ARHGAP29: variants seen among roughly 807,000 people sequenced by gnomAD.
ARHGAP29 encodes rho GTPase-activating protein 29.
In ARHGAP29, 43 loss-of-function variants were observed where a neutral mutation model predicts 122.6. The observed-to-expected ratio is 0.35, with a 90% CI of 0.27 to 0.45. ARHGAP29 has a LOEUF of 0.45. Among genes scored for constraint, ARHGAP29 ranks in the 20% least tolerant of loss-of-function variants. The pLI, the probability that ARHGAP29 is intolerant of heterozygous loss-of-function variation, is 1.00. For missense variants in ARHGAP29, 1,303 were observed against 1,477.2 expected (o/e 0.88, Z 1.93); for synonymous variants, 506 against 497.1 (o/e 1.02, Z -0.24).
rs145622174 is a variant in ARHGAP29, at chr1:94,169,877, C to T, written c.*3992G>A. Among the ~76,000 whole-genome samples the T allele has an allele frequency of 3.9e-5, 6 of 152,162 alleles. No individual in the cohort carries two copies. Among genetic ancestry groups the T allele is most frequent in the Admixed American group, 2.0e-4 (3 of 15,286 alleles). ...TTGAAGAGACTCCCAAAAACCAAAT[C>T]GGGGAAAATTTCAGCATGAAAATAA... On this transcript the variant is annotated 3_prime_UTR_variant, in exon 23 of 23. Coordinates refer to ENST00000260526, the MANE Select transcript of ARHGAP29 (RefSeq NM_004815.4).
rs773521335 is a variant in ARHGAP29 at position 94,179,926 on chromosome 1, T to C, written c.2279A>G (p.Tyr760Cys). Residue 760 changes from tyrosine (Y) to cysteine (C), a missense_variant, in exon 20 of 23, where the codon TAC (tyrosine) becomes TGC (cysteine). Transcript: ENST00000260526. ...TTTTGCAAGGTCTATAAATTCCTTG[T>C]ACAATCGAAATAAAATAAATGGTTC... ...LPEPFILFRL[Y>C]KEFIDLAKEI... is the part of the protein sequence containing the mutation. The C allele has an allele frequency of 6.8e-6, 11 of 1,607,878 alleles. No homozygotes were observed. In the South Asian group the frequency reaches 7.8e-5, roughly 11 times the overall value.
Position 94,173,621 on chromosome 1 carries a change from A to G in ARHGAP29, c.*248T>C, listed in dbSNP as rs1470418899. ...ACTGAACTTTAAAAAATACGAATCC[A>G]CCTATCTTATTCACAACTTTAAAAA... On this transcript the variant is annotated 3_prime_UTR_variant, in exon 23 of 23. Transcript: ENST00000260526. 1 of 405,244 alleles carries G rather than the reference A, an allele frequency of 2.5e-6. No homozygotes were observed. The highest frequency in any genetic ancestry group is 4.4e-6 in the Non-Finnish European group (1 of 229,436). The allele number at this position is 405,244 out of a possible 1,614,324, so 25.1% of individuals were successfully genotyped here.
At position 94,220,245 on chromosome 1, in the gene ARHGAP29, A is replaced by G. The variant is rs772580145; in HGVS notation, c.340+13T>C. The stretch of plus-strand genomic sequence containing the variant: ...TTGCCCACAGCAACCCACTTTTACT[A>G]TATCTTCCTTACCTTTCACTTTTGC... On this transcript the variant is annotated intron_variant, in intron 3 of 22. Transcript: ENST00000260526. 3.4e-5 allele frequency: 55 copies of G among 1,612,708 alleles called. No individual in the cohort carries two copies. Among genetic ancestry groups the G allele is most frequent in the Middle Eastern group, 1.6e-4 (1 of 6,076 alleles).
At chr1:94,265,929 G>C (rs930964792) in intron 1 of ARHGAP29, among the ~76,000 whole-genome samples, 3 of 152,182 alleles carry the variant, frequency 2.0e-5, no homozygotes, top group Admixed American at 6.5e-5. Context: ...AAATCCATGA[G>C]TGTCTGGTGC....
the ARHGAP29 span, among the ~76,000 whole-genome samples, chr1:94,282,256 T>C: frequency 4.1e-5 from 1 of 24,160 alleles, no homozygotes; most frequent in East Asian, 1.3e-3. Context: ...GTGATAGTGC[T>C]TTATTTATTT....
intron 1 of ARHGAP29, among the ~76,000 whole-genome samples, chr1:94,258,667 A>C (rs1289874856): frequency 1.3e-5 from 2 of 152,218 alleles, no homozygotes; most frequent in East Asian, 3.9e-4. Context: ...CCAGTTGTTC[A>C]AGGCCTTAGT....
Position 94,202,726 on chromosome 1 carries a change from C to T in ARHGAP29, c.961G>A (p.Ala321Thr), listed in dbSNP as rs779124989. Reference protein sequence around the residue: ...WKQEQNKMLEAENALKKAKLL... With the variant: ...WKQEQNKMLETENALKKAKLL... ...TTTGCCTTTTTGAGAGCATTCTCTG[C>T]TTCAAGCTACACCGAAAAGAGTATT... The change falls in exon 11 of 23, where the codon GCA (alanine) becomes ACA (threonine). Residue 321 changes from alanine to threonine, a missense_variant. Ala to Thr is a moderately conservative substitution (Grantham distance 58). This residue lies in a region of ARHGAP29 where 592 missense variants were observed against 648.2 expected (regional missense o/e 0.91). Transcript: ENST00000260526. The T allele has an allele frequency of 6.2e-7, 1 of 1,613,012 alleles. No homozygotes were observed. The highest frequency in any genetic ancestry group is 2.2e-5 in the East Asian group (1 of 44,878).
At position 94,171,106 on chromosome 1, in the gene ARHGAP29, T is replaced by A. The variant is rs369972660; in HGVS notation, c.*2763A>T. ...GTTATTTAACAATATACAATGGTTG[T>A]CATTTAGAGAGATGTTTCCAGTTGT... On this transcript the variant is annotated 3_prime_UTR_variant, in exon 23 of 23. Coordinates refer to ENST00000260526, the MANE Select transcript of ARHGAP29 (RefSeq NM_004815.4). 1.3e-4 allele frequency among the ~76,000 whole-genome samples: 20 copies of A among 152,184 alleles called. No individual in the cohort carries two copies. Among genetic ancestry groups the A allele is most frequent in the East Asian group, 5.8e-4 (3 of 5,200 alleles).
chr1:94,286,528 C>T, the ARHGAP29 span, among the ~76,000 whole-genome samples: 4 of 152,076 alleles, frequency 2.6e-5, no homozygotes, highest in East Asian at 3.9e-4. Flanking sequence ...ATTAGCCAGG[C>T]GTGGTGATGC....
At position 94,202,360 on chromosome 1, in the gene ARHGAP29, T is replaced by C. The variant is rs528210518; in HGVS notation, c.1143+184A>G. 6.0e-6 allele frequency: 4 copies of C among 672,234 alleles called. No individual in the cohort carries two copies. In the South Asian group the frequency reaches 7.9e-5, roughly 13 times the overall value. 41.6% of individuals were successfully genotyped at this position (672,234 alleles called of 1,614,324 possible). A position where few individuals can be genotyped will look rare whatever the true frequency, so the allele number is the denominator to read the frequency against. ...AAAATGTGGATCTTCACCAACAGCA[T>C]CAGCACGACCTGAGAGCCTATTAAA... On this transcript the variant is annotated intron_variant, in intron 11 of 22. Transcript: ENST00000260526.
the ARHGAP29 span, among the ~76,000 whole-genome samples, chr1:94,312,419 A>G: frequency 1.5e-5 from 2 of 133,988 alleles, no homozygotes; most frequent in Non-Finnish European, 1.6e-5. Context: ...ATGAACAGAG[A>G]TGTCCCCCCT....
intron 3 of ARHGAP29, among the ~76,000 whole-genome samples, chr1:94,218,087 A>G (rs1652065353): frequency 6.6e-6 from 1 of 152,188 alleles, no homozygotes; most frequent in Non-Finnish European, 1.5e-5. Context: ...CCATTAATTA[A>G]GTTGATTTGA....
Position 94,173,015 on chromosome 1 carries a change from G to GAAATGC in ARHGAP29, c.*848_*853dup, listed in dbSNP as rs1224642034. 1 of 152,514 alleles carries GAAATGC rather than the reference G, an allele frequency of 6.6e-6. No homozygotes were observed. The highest frequency in any genetic ancestry group is 2.4e-5 in the African/African-American group (1 of 41,420). 9.4% of individuals were successfully genotyped at this position (152,514 alleles called of 1,614,324 possible). On this transcript the variant is annotated 3_prime_UTR_variant, in exon 23 of 23. Coordinates refer to ENST00000260526, the MANE Select transcript of ARHGAP29 (RefSeq NM_004815.4). ...GGTTTTAACCCAGACAAATCAAGAG[G>GAAATGC]AAATGCACTGAATTCAAAAACTTCT...
the ARHGAP29 span, among the ~76,000 whole-genome samples, chr1:94,311,369 C>G: frequency 6.6e-6 from 1 of 152,084 alleles, no homozygotes; most frequent in African/African-American, 2.4e-5. Context: ...TTCTCTCCCT[C>G]TCTCTCTCTT....
At chr1:94,206,988 GAGA>G (rs1184479182) in intron 5 of ARHGAP29, among the ~76,000 whole-genome samples, 1 of 149,204 alleles carries the variant, frequency 6.7e-6, no homozygotes, top group African/African-American at 2.5e-5. Flanking sequence ...TAGAGAGAGA[GAGA>G]AGGAGCAACT....
At chr1:94,239,345 T>C (rs1301991800), upstream of ARHGAP29, among the ~76,000 whole-genome samples, 1 of 152,180 alleles carries the variant, frequency 6.6e-6, no homozygotes, top group African/African-American at 2.4e-5. Flanking sequence ...TTTGCACTTA[T>C]ACACCATTTC....
chr1:94,238,414 A>G (rs72727441), upstream of ARHGAP29, among the ~76,000 whole-genome samples: 2,533 of 149,992 alleles, frequency 0.017, 41 homozygotes, highest in Non-Finnish European at 0.019. Context: ...TAATGAGAAG[A>G]AAAAAAAAAG....
At chr1:94,281,655 C>G in the ARHGAP29 span, among the ~76,000 whole-genome samples, 1 of 152,142 alleles carries the variant, frequency 6.6e-6, no homozygotes, top group Non-Finnish European at 1.5e-5. Flanking sequence ...AGACTTCTCC[C>G]CCAGTAGGTA....
chr1:94,256,684 G>A (rs894057937), intron 1 of ARHGAP29, among the ~76,000 whole-genome samples: 83 of 149,608 alleles, frequency 5.5e-4, no homozygotes, highest in Non-Finnish European at 2.1e-4. Context: ...TCAGCCTCCC[G>A]AGTAGCTGGG....
Sources: gnomAD v4.1 joint callset for allele counts (sites outside exome capture counted in the v4.1 genomes callset) on GRCh38, gnomAD v4.1.1 for gene constraint, gnomAD v4.1.1 regional missense constraint, MANE v1.5 for transcripts, NCBI Gene and HGNC (gene_info 2026-07-23, HGNC 2026-07-21) for gene names.